The following CYSLTR1 variants were observed in gnomAD, a reference collection of about 807,000 sequenced individuals.
CYSLTR1 encodes cysteinyl leukotriene receptor 1, also known as G-protein coupled receptor HG55.
In CYSLTR1, 1 loss-of-function variant was observed where a neutral mutation model predicts 2.1. That is an observed-to-expected ratio of 0.48 (90% CI 0.17 to 2.28). The LOEUF is 2.28. Among genes scored for constraint, CYSLTR1 ranks in the 30% most tolerant of loss-of-function variants. The probability of loss-of-function intolerance (pLI) is 0.26; values close to 1 mark genes in which losing one functional copy is unlikely to be tolerated. For missense variants in CYSLTR1, 299 were observed against 250.1 expected (o/e 1.20, Z -1.32); for synonymous variants, 110 against 89.6 (o/e 1.23, Z -1.28).
intron 1 of CYSLTR1, among the ~76,000 whole-genome samples, chrX:78,303,399 T>C (rs1460468248): frequency 3.0e-5 from 2 of 66,326 alleles, no homozygotes; most frequent in African/African-American, 1.4e-4. Flanking sequence ...GCTCACCTGA[T>C]TTTTGGTTCT....
chrX:78,311,102 A>G (rs947417297), intron 1 of CYSLTR1, among the ~76,000 whole-genome samples: 2 of 111,230 alleles, frequency 1.8e-5, no homozygotes, highest in African/African-American at 6.5e-5. Flanking sequence ...AGCTGTAAAT[A>G]TAGAGGTTGC....
At chrX:78,310,371 G>C (rs757797690) in intron 1 of CYSLTR1, among the ~76,000 whole-genome samples, 5 of 111,720 alleles carry the variant, frequency 4.5e-5, no homozygotes, top group African/African-American at 1.6e-4. Flanking sequence ...GCCCTTTGTC[G>C]TCATCACTAT....
intron 2 of CYSLTR1, among the ~76,000 whole-genome samples, chrX:78,279,220 G>A (rs760485337): frequency 1.8e-5 from 2 of 110,667 alleles, no homozygotes; most frequent in South Asian, 3.8e-4. Flanking sequence ...TCCAACAAAG[G>A]TCTAATATCC....
chrX:78,302,512 T>C (rs1479231429), intron 1 of CYSLTR1, among the ~76,000 whole-genome samples: 3 of 111,738 alleles, frequency 2.7e-5, no homozygotes, highest in African/African-American at 6.5e-5. Context: ...CCACCACAGC[T>C]GATAATGTGC....
chrX:78,284,923 C>A (rs1452983704), intron 1 of CYSLTR1, among the ~76,000 whole-genome samples: 1 of 111,381 alleles, frequency 9.0e-6, no homozygotes, highest in Non-Finnish European at 1.9e-5. Flanking sequence ...TTTCTTCTCC[C>A]TCTCCAAATT....
At chrX:78,299,835 T>C (rs1922740100) in intron 1 of CYSLTR1, among the ~76,000 whole-genome samples, 1 of 111,668 alleles carries the variant, frequency 9.0e-6, no homozygotes, top group Non-Finnish European at 1.9e-5. Context: ...TATTTTTCTC[T>C]AGATTTAGTA....
At chrX:78,308,550 A>T (rs946459318) in intron 1 of CYSLTR1, among the ~76,000 whole-genome samples, 8 of 111,848 alleles carry the variant, frequency 7.2e-5, no homozygotes, top group Non-Finnish European at 1.3e-4. Flanking sequence ...TATATTAAAT[A>T]CTAAGATGTA....
chrX:78,300,678 G>A (rs921353214), intron 1 of CYSLTR1, among the ~76,000 whole-genome samples: 1 of 112,770 alleles, frequency 8.9e-6, no homozygotes, highest in African/African-American at 3.2e-5. Flanking sequence ...ATCTTGAATT[G>A]TAGCTCCCAT....
rs182275410 is a variant in CYSLTR1 at position 78,284,514 on chromosome X, C to T, written c.-114-974G>A. On this transcript the variant is annotated intron_variant, in intron 1 of 2. Transcript: ENST00000373304. ...CTCCCGGGTTCAAGCAATTCTCCTG[C>T]CTCAGCCTCCTGAGTAGCTGGGATT... Among the ~76,000 whole-genome samples the T allele has an allele frequency of 4.9e-4, 55 of 111,337 alleles. 2 individuals carry two copies. In the East Asian group the frequency reaches 0.013, roughly 26 times the overall value.
chrX:78,288,487 A>G (rs1275738761), intron 1 of CYSLTR1, among the ~76,000 whole-genome samples: 1 of 108,799 alleles, frequency 9.2e-6, no homozygotes, highest in Non-Finnish European at 1.9e-5. Context: ...TTTTGTCTGT[A>G]CCTTTCTTGA....
intron 1 of CYSLTR1, among the ~76,000 whole-genome samples, chrX:78,283,936 G>T (rs1921946398): frequency 8.9e-6 from 1 of 112,052 alleles, no homozygotes. Flanking sequence ...GATCTGGATT[G>T]CTGGGAATAG....
At chrX:78,297,722 G>T (rs774578144) in intron 1 of CYSLTR1, among the ~76,000 whole-genome samples, 1 of 110,988 alleles carries the variant, frequency 9.0e-6, no homozygotes, top group Non-Finnish European at 1.9e-5. Context: ...AGTATCAGTT[G>T]TAATGTCTCC....
chrX:78,283,099 G>T (rs1207177801), intron 2 of CYSLTR1, among the ~76,000 whole-genome samples: 1 of 111,899 alleles, frequency 8.9e-6, no homozygotes, highest in Non-Finnish European at 1.9e-5. Context: ...GGCTTTACTT[G>T]TATGAAACAG....
intron 2 of CYSLTR1, among the ~76,000 whole-genome samples, chrX:78,281,662 AAATTTCAAGTAAATAATATAAT>A (rs1414112265): frequency 1.8e-5 from 2 of 111,606 alleles, no homozygotes; most frequent in Non-Finnish European, 3.8e-5. Context: ...CTTCCATATC[AAATTTCAAGTAAATAATATAAT>A]AATTTCAAGT....
At chrX:78,286,188 T>C (rs1485553604) in intron 1 of CYSLTR1, among the ~76,000 whole-genome samples, 1 of 111,345 alleles carries the variant, frequency 9.0e-6, no homozygotes, top group Non-Finnish European at 1.9e-5. Context: ...GTTAGTTGTG[T>C]AATCCCAGTG....
At chrX:78,296,593 T>C (rs1221872294) in intron 1 of CYSLTR1, among the ~76,000 whole-genome samples, 2 of 111,892 alleles carry the variant, frequency 1.8e-5, no homozygotes, top group African/African-American at 6.5e-5. Flanking sequence ...CTTATAGTTT[T>C]CTTATAGAAA....
chrX:78,276,067 G>A lies in CYSLTR1; in HGVS notation c.-27-2294C>T, dbSNP rs1420830411. Among the ~76,000 whole-genome samples the A allele has an allele frequency of 2.7e-5, 3 of 112,300 alleles. No homozygotes were observed. The East Asian group carries it at 8.4e-4, about 31-fold the overall frequency. Reference sequence around the variant, plus strand: ...AATATACTTGTTTGGTGAGAAAAACGTTGTAGCCATTCATTCTTGTTCTCT... The same window carrying A: ...AATATACTTGTTTGGTGAGAAAAACATTGTAGCCATTCATTCTTGTTCTCT... On this transcript the variant is annotated intron_variant, in intron 2 of 2. Coordinates refer to ENST00000373304, the MANE Select transcript of CYSLTR1 (RefSeq NM_006639.4).
In CYSLTR1 at chrX:78,273,752, T is replaced by C. The variant is rs1177207518; in HGVS notation, c.-6A>G. On this transcript the variant is annotated 5_prime_UTR_variant, in exon 3 of 3. Transcript: ENST00000373304. ...AGATTTCCTGTTTCATCCATGTTTCTCTACGAATGTCTGCTTTGTGCCTAT... is the reference window on the plus strand; with the variant it reads ...AGATTTCCTGTTTCATCCATGTTTCCCTACGAATGTCTGCTTTGTGCCTAT... 8.4e-7 allele frequency: 1 copy of C among 1,184,980 alleles called. No individual in the cohort carries two copies. Among genetic ancestry groups the C allele is most frequent in the South Asian group, 1.9e-5 (1 of 52,235 alleles).
intron 2 of CYSLTR1, among the ~76,000 whole-genome samples, chrX:78,282,906 C>T (rs1282572690): frequency 1.8e-5 from 2 of 111,897 alleles, no homozygotes; most frequent in East Asian, 2.8e-4. Flanking sequence ...TAATAACTTC[C>T]CAGTCCTTGC....
Sources: allele counts gnomAD v4.1 joint callset (sites outside exome capture counted in the v4.1 genomes callset), GRCh38; gene constraint gnomAD v4.1.1; transcripts MANE v1.5; gene names NCBI Gene and HGNC (gene_info 2026-07-23, HGNC 2026-07-21).